DHX38: variants seen among roughly 807,000 people sequenced by gnomAD.
DHX38 encodes pre-mRNA-splicing factor ATP-dependent RNA helicase PRP16.
DHX38 carries 100 observed loss-of-function variants against 153.1 expected under a neutral mutation model. That is an observed-to-expected ratio of 0.65 (90% CI 0.56 to 0.77). DHX38 has a LOEUF of 0.77. Among genes scored for constraint, DHX38 ranks in the 30% least tolerant of loss-of-function variants. The pLI is 0.00. For missense variants in DHX38, 1,440 were observed against 1,654.0 expected (o/e 0.87, Z 2.24); for synonymous variants, 650 against 631.7 (o/e 1.03, Z -0.43).
In DHX38 at chr16:72,104,656, C is replaced by G; in HGVS notation, c.2151+30C>G. ...TGAGGCCACCATGTTACGAACTGAC[C>G]CTTCCATGCCACGCACTTCTCTGAT... On this transcript the variant is annotated intron_variant, in intron 15 of 26. Transcript: ENST00000268482. The surrounding 1 kb of genome is among the most constrained non-coding windows in gnomAD (Gnocchi z 4.5). 1.2e-6 allele frequency: 2 copies of G among 1,613,480 alleles called. No homozygotes were observed. The highest frequency in any genetic ancestry group is 1.7e-6 in the Non-Finnish European group (2 of 1,179,698).
At chr16:72,106,751 C>T (rs183363494) in intron 19 of DHX38, among the ~76,000 whole-genome samples, 1 of 152,288 alleles carries the variant, frequency 6.6e-6, no homozygotes, top group African/African-American at 2.4e-5. Context: ...CTGCCTGGCT[C>T]TCTTCCCCTT....
chr16:72,098,185 T>G (rs1443024694), intron 4 of DHX38, among the ~76,000 whole-genome samples: 1 of 152,098 alleles, frequency 6.6e-6, no homozygotes, highest in Non-Finnish European at 1.5e-5. Context: ...GTAATCCCAG[T>G]ACTTTGGGAG....
At chr16:72,102,964 G>T (rs1180615220) in intron 11 of DHX38, 110 bp from the exon 12 acceptor site, 1 of 1,476,992 alleles carries the variant, frequency 6.8e-7, no homozygotes, top group Non-Finnish European at 9.2e-7. Context: ...TGGTGTCTCA[G>T]ACTCTTGCCG....
intron 25 of DHX38, chr16:72,109,723 T>C: frequency 2.4e-6 from 1 of 425,006 alleles, no homozygotes; most frequent in Non-Finnish European, 4.1e-6. Flanking sequence ...AAAAAACTCA[T>C]TATTGAAAAG....
At chr16:72,097,260 A>C (rs2042034163) in intron 3 of DHX38, 1 of 434,558 alleles carries the variant, frequency 2.3e-6, no homozygotes, top group Non-Finnish European at 4.1e-6. Flanking sequence ...TAAAGGAGAT[A>C]ATGGGTAAAT....
At chr16:72,099,346 AGCAGGACTGG>A (rs2042066250) in intron 7 of DHX38, 66 bp downstream of exon 7, 1 of 1,416,796 alleles carries the variant, frequency 7.1e-7, no homozygotes, top group East Asian at 2.5e-5. Flanking sequence ...GTGACCCTCT[AGCAGGACTGG>A]GCTTTGATGA....
In DHX38 at chr16:72,107,587, G is replaced by A; in HGVS notation, c.2809+39G>A. ...GGGAGCCTCATGGGTGCTGGCGCTT[G>A]ACTTCCTTCTTTCCTCTACTGTCCC... On this transcript the variant is annotated intron_variant, in intron 20 of 26. Coordinates refer to ENST00000268482, the MANE Select transcript of DHX38 (RefSeq NM_014003.4). The surrounding 1 kb of genome is among the most constrained non-coding windows in gnomAD (Gnocchi z 5.3). The A allele has an allele frequency of 1.2e-6, 2 of 1,609,226 alleles. No individual in the cohort carries two copies. Among genetic ancestry groups the A allele is most frequent in the Non-Finnish European group, 1.7e-6 (2 of 1,176,002 alleles).
In DHX38 at chr16:72,109,480, T is replaced by C. The variant is rs1406517635; in HGVS notation, c.3447T>C (p.Tyr1149=). 2.5e-6 allele frequency: 4 copies of C among 1,612,840 alleles called. No homozygotes were observed. The highest frequency in any genetic ancestry group is 2.5e-6 in the Non-Finnish European group (3 of 1,179,598). ...EWLAELGPMF[Y]SVKQAGKSRQ... ...TGGCGGAGCTGGGCCCCATGTTCTATAGCGTGAAACAGGCGGGCAAGTCAC... is the reference window on the plus strand; with the variant it reads ...TGGCGGAGCTGGGCCCCATGTTCTACAGCGTGAAACAGGCGGGCAAGTCAC... The change falls in exon 25 of 27, where the codon TAT becomes TAC. Residue 1149 remains tyrosine, a synonymous_variant. Coordinates refer to ENST00000268482, the MANE Select transcript of DHX38 (RefSeq NM_014003.4).
chr16:72,096,267 A>T lies in DHX38; in HGVS notation c.110A>T (p.His37Leu). 6.2e-7 allele frequency: 1 copy of T among 1,614,200 alleles called. No homozygotes were observed. The highest frequency in any genetic ancestry group is 2.2e-5 in the East Asian group (1 of 44,876). Residue 37 changes from histidine (H) to leucine (L), a missense_variant, in exon 2 of 27, where the codon CAT (histidine) becomes CTT (leucine). His to Leu is a moderately conservative substitution (Grantham distance 99). This residue lies in a region of DHX38 where 483 missense variants were observed against 465.1 expected (regional missense o/e 1.04). Transcript: ENST00000268482. ...TCCAAAAGTGCGGCCAGCGAGCAGC[A>T]TGTCTTCAAGGCTCCTGCTCCCCGC... Reference protein sequence around the residue: ...CKSKSAASEQHVFKAPAPRPS... With the variant: ...CKSKSAASEQLVFKAPAPRPS...
Position 72,106,064 on chromosome 16 carries a change from T to TG in DHX38, c.2548dup (p.Ala850GlyfsTer28). ...AGATCTATCCCATTAGCCAGGCCAA[T>TG]GCCAACCAGCGGTCAGGGCGAGCCG... On this transcript the variant is annotated frameshift_variant, in exon 19 of 27. Coordinates refer to ENST00000268482, the MANE Select transcript of DHX38 (RefSeq NM_014003.4). LOFTEE classifies it high-confidence loss of function. The TG allele has an allele frequency of 5.0e-6, 8 of 1,614,232 alleles. No individual in the cohort carries two copies. Among genetic ancestry groups the TG allele is most frequent in the Non-Finnish European group, 6.8e-6 (8 of 1,180,036 alleles).
At position 72,109,494 on chromosome 16, in the gene DHX38, C is replaced by A; in HGVS notation, c.3461C>A (p.Ala1154Glu). ...LGPMFYSVKQ[A>E]GKSRQENRRR... ...CCCATGTTCTATAGCGTGAAACAGGCGGGCAAGTCACGGCAGGTGAGGATT... is the reference window on the plus strand; with the variant it reads ...CCCATGTTCTATAGCGTGAAACAGGAGGGCAAGTCACGGCAGGTGAGGATT... Residue 1154 changes from alanine to glutamate, a missense_variant, in exon 25 of 27, where the codon GCG becomes GAG. This residue lies in a region of DHX38 where 543 missense variants were observed against 717.9 expected (regional missense o/e 0.76). Coordinates refer to ENST00000268482, the MANE Select transcript of DHX38 (RefSeq NM_014003.4). The A allele has an allele frequency of 6.2e-7, 1 of 1,611,590 alleles. No individual in the cohort carries two copies. Among genetic ancestry groups the A allele is most frequent in the Non-Finnish European group, 8.5e-7 (1 of 1,179,028 alleles).
chr16:72,103,350 C>A (rs1209189120), intron 12 of DHX38, 139 bp downstream of exon 12: 5 of 1,198,350 alleles, frequency 4.2e-6, no homozygotes, highest in East Asian at 2.5e-5. Context: ...GACCTCATGC[C>A]TGGGGTACAC....
intron 9 of DHX38, 147 bp from the exon 10 acceptor site, chr16:72,100,939 G>A: frequency 1.2e-6 from 1 of 816,206 alleles, no homozygotes; most frequent in Non-Finnish European, 2.0e-6. Context: ...ACACAAAAAA[G>A]GCCTGATGTG....
chr16:72,105,403 G>GA, intron 17 of DHX38, 55 bp downstream of exon 17: 1 of 1,603,058 alleles, frequency 6.2e-7, no homozygotes, highest in Non-Finnish European at 8.5e-7. Context: ...AAGGAAGCGA[G>GA]AGGGGATGTG....
chr16:72,104,875 G>A lies in DHX38; in HGVS notation c.2152-152G>A, dbSNP rs2042152019. 8 of 841,268 alleles carry A rather than the reference G, an allele frequency of 9.5e-6. No individual in the cohort carries two copies. Among genetic ancestry groups the A allele is most frequent in the African/African-American group, 1.7e-5 (1 of 58,260 alleles). 52.1% of individuals were successfully genotyped at this position (841,268 alleles called of 1,614,324 possible). On this transcript the variant is annotated intron_variant, in intron 15 of 26. Coordinates refer to ENST00000268482, the MANE Select transcript of DHX38 (RefSeq NM_014003.4). The surrounding 1 kb of genome is among the most constrained non-coding windows in gnomAD (Gnocchi z 4.5). ...CAGGGAGGCACTGTGCCCTCTTGTA[G>A]AGGCCTCGCAGTCAGGCCCATGTGG...
intron 1 of DHX38, among the ~76,000 whole-genome samples, chr16:72,095,919 G>GTGTA (rs2042009643): frequency 1.3e-5 from 2 of 151,628 alleles, no homozygotes; most frequent in Admixed American, 6.6e-5. Flanking sequence ...GTGTGTGTGT[G>GTGTA]TGTATCTATT....
Position 72,097,768 on chromosome 16 carries a change from A to G in DHX38, c.603A>G (p.Arg201=), listed in dbSNP as rs767489479. The stretch of plus-strand genomic sequence containing the variant: ...GAAGAAATGAACCCGAGAGCCCACG[A>G]CATCGACCTAAAGGTAGACTCACTG... ...SSRRNEPESP[R]HRPKDAATPS... is the part of the protein sequence containing the mutation. The change falls in exon 4 of 27, where the codon CGA becomes CGG. Residue 201 remains arginine (R), a synonymous_variant. Transcript: ENST00000268482. 1.9e-6 allele frequency: 3 copies of G among 1,613,540 alleles called. No individual in the cohort carries two copies. Among genetic ancestry groups the G allele is most frequent in the Non-Finnish European group, 2.5e-6 (3 of 1,179,746 alleles).
chr16:72,103,103 A>G lies in DHX38; in HGVS notation c.1529A>G (p.Lys510Arg). ...RTEQKFADHM[K>R]RKSEASSEFA... ...GAGCAGAAGTTTGCAGATCACATGA[A>G]GAGAAAGAGCGAAGCCAGCAGTGAA... The change falls in exon 12 of 27, where the codon AAG becomes AGG. Residue 510 changes from lysine (K) to arginine (R), a missense_variant. Lys to Arg is a conservative substitution (Grantham distance 26). Coordinates refer to ENST00000268482, the MANE Select transcript of DHX38 (RefSeq NM_014003.4). 1 of 1,614,236 alleles carries G rather than the reference A, an allele frequency of 6.2e-7. No homozygotes were observed. The highest frequency in any genetic ancestry group is 8.5e-7 in the Non-Finnish European group (1 of 1,180,044).
In DHX38 at chr16:72,103,647, G is replaced by A; in HGVS notation, c.1683G>A (p.Lys561=). The A allele has an allele frequency of 6.2e-7, 1 of 1,613,490 alleles. No individual in the cohort carries two copies. Among genetic ancestry groups the A allele is most frequent in the Non-Finnish European group, 8.5e-7 (1 of 1,179,454 alleles). Reference sequence around the variant, plus strand: ...TGGTTGGGGAGACGGGGAGTGGTAAGACCACTCAGCTGACGCAGTACCTGC... The same window carrying A: ...TGGTTGGGGAGACGGGGAGTGGTAAAACCACTCAGCTGACGCAGTACCTGC... ...VIVVGETGSG[K]TTQLTQYLHE... The change falls in exon 13 of 27, where the codon AAG becomes AAA. Residue 561 remains lysine (K), a synonymous_variant. Coordinates refer to ENST00000268482, the MANE Select transcript of DHX38 (RefSeq NM_014003.4).
Sources: allele counts gnomAD v4.1 joint callset (sites outside exome capture counted in the v4.1 genomes callset), GRCh38; gene constraint gnomAD v4.1.1; regional missense constraint gnomAD v4.1.1; non-coding constraint Gnocchi (gnomAD v3.1); transcripts MANE v1.5; gene names NCBI Gene and HGNC (gene_info 2026-07-23, HGNC 2026-07-21).